The following INO80 variants were observed in gnomAD, a reference collection of about 807,000 sequenced individuals.
INO80 encodes INO80 complex ATPase subunit.
A neutral mutation model predicts 203.4 loss-of-function variants in INO80; 20 were observed. The observed-to-expected ratio is 0.10, with a 90% CI of 0.07 to 0.14. The LOEUF is 0.14. INO80 is among the 10% of genes least tolerant of loss of function. The pLI, the probability that INO80 is intolerant of heterozygous loss-of-function variation, is 1.00. For missense variants in INO80, 1,419 were observed against 1,914.4 expected, an observed-to-expected ratio of 0.74 and a Z score of 4.83; for synonymous variants, 726 against 685.2, an observed-to-expected ratio of 1.06 and a Z score of -0.93.
At chr15:41,003,035 G>A (rs1211132491) in intron 28 of INO80, among the ~76,000 whole-genome samples, 12 of 151,946 alleles carry the variant, frequency 7.9e-5, no homozygotes, top group African/African-American at 2.7e-4. Context: ...CAGGAGAATC[G>A]CTTGAACCCA....
intron 25 of INO80, among the ~76,000 whole-genome samples, chr15:41,022,820 G>A (rs553815825): frequency 2.6e-5 from 4 of 152,144 alleles, no homozygotes; most frequent in Admixed American, 6.5e-5. Context: ...ACTTGTTTTC[G>A]GCTGAGCATG....
intron 29 of INO80, among the ~76,000 whole-genome samples, chr15:40,992,103 G>A (rs2043824574): frequency 6.6e-6 from 1 of 152,234 alleles, no homozygotes; most frequent in African/African-American, 2.4e-5. Context: ...AGAAGAACAA[G>A]TGGGAAAAGT....
At chr15:41,083,342 T>C (rs906125256) in intron 7 of INO80, among the ~76,000 whole-genome samples, 1 of 150,398 alleles carries the variant, frequency 6.6e-6, no homozygotes, top group Non-Finnish European at 1.5e-5. Flanking sequence ...TTAACTGCTA[T>C]GGAAAAAAAA....
intron 1 of INO80, among the ~76,000 whole-genome samples, chr15:41,113,423 C>G (rs980774434): frequency 3.9e-5 from 6 of 152,006 alleles, no homozygotes; most frequent in Non-Finnish European, 5.9e-5. Context: ...CGCGCCACCA[C>G]GCCCAGCTAA....
chr15:41,098,147 G>A (rs2045753229), intron 1 of INO80, among the ~76,000 whole-genome samples: 1 of 152,136 alleles, frequency 6.6e-6, no homozygotes, highest in African/African-American at 2.4e-5. Flanking sequence ...ACCACGCCCG[G>A]CCAACTAAGT....
At chr15:41,086,582 T>C (rs574066333) in intron 6 of INO80, among the ~76,000 whole-genome samples, 17 of 148,416 alleles carry the variant, frequency 1.1e-4, no homozygotes, top group African/African-American at 3.5e-4. Context: ...ACTCAGGAGG[T>C]AGAGGTTGCA....
rs369402463 is a variant in INO80, at chr15:41,071,834, G to A, written c.1605+15C>T. ...AAGAGATAATAGAAGAGAATGACAC[G>A]GTTCTAAAATTCACCTGTTCATATA... is the stretch of plus-strand genomic sequence containing the variant. On this transcript the variant is annotated intron_variant, in intron 12 of 35. Coordinates refer to ENST00000648947, the MANE Select transcript of INO80 (RefSeq NM_017553.3). 1.2e-5 allele frequency: 19 copies of A among 1,576,330 alleles called. No individual in the cohort carries two copies. The highest frequency in any genetic ancestry group is 9.5e-5 in the African/African-American group (7 of 74,034).
chr15:41,101,118 C>T (rs1230113092), intron 1 of INO80, among the ~76,000 whole-genome samples: 1 of 152,166 alleles, frequency 6.6e-6, no homozygotes, highest in Non-Finnish European at 1.5e-5. Context: ...GCATGAGCCA[C>T]CCACCCGGCT....
rs144276063 is a variant in INO80 at position 41,096,254 on chromosome 15, G to A, written c.57C>T (p.Pro19=). Residue 19 remains proline, a synonymous_variant, in exon 2 of 36, where the codon CCC becomes CCT. Transcript: ENST00000648947. ...CCCTCTCCAAGTACTGAAGATAGAG[G>A]GGCTTTGCCAGCTCAGTGCAGCCTC... ...DDGGCTELAK[P]LYLQYLERAL... 3,878 of 1,606,270 alleles carry A rather than the reference G, an allele frequency of 2.4e-3. 15 individuals carry two copies. Among genetic ancestry groups the A allele is most frequent in the Middle Eastern group, 0.013 (81 of 6,036 alleles).
At chr15:41,095,355 G>GA (rs1382624958) in intron 4 of INO80, among the ~76,000 whole-genome samples, 1 of 152,114 alleles carries the variant, frequency 6.6e-6, no homozygotes, top group Non-Finnish European at 1.5e-5. Flanking sequence ...AACAAAATCT[G>GA]AAACACGTCT....
intron 4 of INO80, among the ~76,000 whole-genome samples, chr15:41,093,814 C>T (rs2045680352): frequency 6.6e-6 from 1 of 151,720 alleles, no homozygotes; most frequent in African/African-American, 2.4e-5. Flanking sequence ...CACCGCACTC[C>T]AGCCAGGGTG....
At chr15:40,999,395 C>A (rs1019845056) in intron 28 of INO80, 2 of 152,108 alleles carry the variant, frequency 1.3e-5, no homozygotes, top group Non-Finnish European at 2.9e-5. Flanking sequence ...ACATAAGTAT[C>A]GGTGAAAGAA....
intron 1 of INO80, among the ~76,000 whole-genome samples, chr15:41,105,483 A>T (rs117297829): frequency 1.1e-3 from 163 of 152,252 alleles, no homozygotes; most frequent in Non-Finnish European, 2.0e-3. Flanking sequence ...AAAGAAACTG[A>T]GCTTAACTAA....
At chr15:40,996,527 T>C (rs953394032) in intron 29 of INO80, among the ~76,000 whole-genome samples, 1 of 151,996 alleles carries the variant, frequency 6.6e-6, no homozygotes, top group Non-Finnish European at 1.5e-5. Context: ...GGTTTCACCA[T>C]GTTGGCCAGG....
rs73403407 is a variant in INO80, at chr15:41,065,025, T to C, written c.1782+4545A>G. 5.2e-3 allele frequency among the ~76,000 whole-genome samples: 786 copies of C among 151,798 alleles called. 11 individuals carry two copies. The highest frequency in any genetic ancestry group is 0.018 in the African/African-American group (750 of 41,432). On this transcript the variant is annotated intron_variant, in intron 14 of 35. Coordinates refer to ENST00000648947, the MANE Select transcript of INO80 (RefSeq NM_017553.3). ...AAAAAAAGGTAGAAAAAGAGTGCAG[T>C]GTGGGGCTGTGTTCCAATACGTATG...
At chr15:41,003,334 CT>C (rs71104761) in intron 28 of INO80, among the ~76,000 whole-genome samples, 3,642 of 125,966 alleles carry the variant, frequency 0.029, 188 homozygotes, top group African/African-American at 0.098. Context: ...CTTTTCTTTT[CT>C]TTTTTTTTTT....
chr15:41,060,579 G>C (rs979485476), intron 14 of INO80, among the ~76,000 whole-genome samples: 6 of 151,718 alleles, frequency 4.0e-5, no homozygotes. Flanking sequence ...ACAAAAAGAT[G>C]TAAGACATAG....
intron 1 of INO80, among the ~76,000 whole-genome samples, chr15:41,097,290 C>T (rs1436871485): frequency 1.3e-5 from 2 of 151,952 alleles, no homozygotes; most frequent in Admixed American, 6.6e-5. Context: ...AAGCAATCCA[C>T]CCACCTTGGC....
intron 5 of INO80, among the ~76,000 whole-genome samples, chr15:41,088,976 G>T (rs1250145022): frequency 1.3e-5 from 2 of 151,974 alleles, no homozygotes; most frequent in Non-Finnish European, 2.9e-5. Flanking sequence ...ATTATTTGAG[G>T]TCAGGAAGTC....
Sources: gnomAD v4.1 joint callset for allele counts (sites outside exome capture counted in the v4.1 genomes callset) on GRCh38, gnomAD v4.1.1 for gene constraint, MANE v1.5 for transcripts, NCBI Gene and HGNC (gene_info 2026-07-23, HGNC 2026-07-21) for gene names.